The following NKAIN2 variants were observed in gnomAD, a reference collection of about 807,000 sequenced individuals.
The protein encoded by NKAIN2 is sodium/potassium transporting ATPase interacting 2.
NKAIN2 carries 14 observed loss-of-function variants against 32.6 expected under a neutral mutation model. The ratio of observed to expected loss-of-function variants is 0.43; its 90% CI spans 0.28 to 0.67. The LOEUF is 0.67. Among genes scored for constraint, NKAIN2 ranks in the 30% least tolerant of loss-of-function variants. The pLI, the probability that NKAIN2 is intolerant of heterozygous loss-of-function variation, is 0.17. For missense variants in NKAIN2, 198 were observed against 258.3 expected (o/e 0.77, Z 1.60); for synonymous variants, 80 against 87.2 (o/e 0.92, Z 0.46).
chr6:124,449,549 T>G (rs1330222425), intron 3 of NKAIN2, among the ~76,000 whole-genome samples: 2 of 152,068 alleles, frequency 1.3e-5, no homozygotes, highest in Non-Finnish European at 2.9e-5. Context: ...TGCATACAAT[T>G]AGTGCTGAGG....
At chr6:124,484,197 A>T (rs1338067048) in intron 3 of NKAIN2, among the ~76,000 whole-genome samples, 3 of 152,218 alleles carry the variant, frequency 2.0e-5, no homozygotes, top group African/African-American at 7.2e-5. Context: ...CTCCTCAGAG[A>T]ACTCTACATG....
chr6:124,724,220 A>G (rs995339171), intron 4 of NKAIN2, among the ~76,000 whole-genome samples: 1 of 152,178 alleles, frequency 6.6e-6, no homozygotes, highest in Non-Finnish European at 1.5e-5. Context: ...CTTTTAAAAT[A>G]TAATGAGTAA....
intron 5 of NKAIN2, among the ~76,000 whole-genome samples, chr6:124,811,181 G>A (rs1780891056): frequency 6.6e-6 from 1 of 151,998 alleles, no homozygotes; most frequent in African/African-American, 2.4e-5. Flanking sequence ...TTAATATTTA[G>A]AAAATTCATT....
intron 1 of NKAIN2, among the ~76,000 whole-genome samples, chr6:124,145,258 C>T (rs1037275279): frequency 2.6e-5 from 4 of 152,164 alleles, no homozygotes; most frequent in Non-Finnish European, 5.9e-5. Context: ...CACAACCCAA[C>T]AATTATCCTC....
At chr6:124,811,244 G>T (rs964918426) in intron 5 of NKAIN2, among the ~76,000 whole-genome samples, 12 of 152,134 alleles carry the variant, frequency 7.9e-5, no homozygotes, top group South Asian at 6.2e-4. Context: ...AAATATTCAG[G>T]CTTAGCTTCC....
At chr6:124,312,300 A>T (rs1040051669) in intron 2 of NKAIN2, among the ~76,000 whole-genome samples, 1 of 152,232 alleles carries the variant, frequency 6.6e-6, no homozygotes, top group African/African-American at 2.4e-5. Flanking sequence ...GCTGTCTTCC[A>T]ATTCAGTTCT....
At chr6:124,038,939 C>T (rs962827305) in intron 1 of NKAIN2, among the ~76,000 whole-genome samples, 10 of 152,076 alleles carry the variant, frequency 6.6e-5, no homozygotes, top group Non-Finnish European at 1.3e-4. Context: ...TCTCTGATAA[C>T]TCTGACAATT....
intron 3 of NKAIN2, among the ~76,000 whole-genome samples, chr6:124,603,171 G>C (rs973021251): frequency 7.2e-5 from 11 of 151,822 alleles, no homozygotes; most frequent in African/African-American, 2.4e-4. Context: ...AAAATGAGTA[G>C]CCCAAAGCCA....
In NKAIN2 at chr6:124,105,364, C is replaced by T. The variant is rs953224040; in HGVS notation, c.55-177641C>T. Among the ~76,000 whole-genome samples, 5 of 152,144 alleles carry T rather than the reference C, an allele frequency of 3.3e-5. No homozygotes were observed. In the East Asian group the frequency reaches 7.7e-4, roughly 24 times the overall value. ...ATCCCCTGGGGCCAGTGGTAGAGTC[C>T]GGGTGTAGTTATAAGAGGAGAGCGC... On this transcript the variant is annotated intron_variant, in intron 1 of 6. Transcript: ENST00000368417.
intron 1 of NKAIN2, among the ~76,000 whole-genome samples, chr6:124,195,825 A>G (rs1237303860): frequency 6.6e-6 from 1 of 151,832 alleles, no homozygotes; most frequent in Non-Finnish European, 1.5e-5. Context: ...TTAAATATTC[A>G]TCTCCCATTT....
intron 3 of NKAIN2, among the ~76,000 whole-genome samples, chr6:124,647,477 C>T (rs1315862206): frequency 8.9e-6 from 1 of 112,818 alleles, no homozygotes; most frequent in African/African-American, 3.5e-5. Flanking sequence ...CCAGCCTGGG[C>T]GACAGAGCGA....
At chr6:124,251,313 T>A (rs1793683412) in intron 1 of NKAIN2, among the ~76,000 whole-genome samples, 1 of 151,956 alleles carries the variant, frequency 6.6e-6, no homozygotes, top group African/African-American at 2.4e-5. Flanking sequence ...ATACATACCA[T>A]GTAAATTTTA....
intron 3 of NKAIN2, among the ~76,000 whole-genome samples, chr6:124,514,938 A>C (rs766713034): frequency 2.0e-5 from 3 of 152,156 alleles, no homozygotes; most frequent in African/African-American, 7.2e-5. Context: ...GAGATAGCAA[A>C]GGAAACAATT....
At chr6:124,130,307 C>G (rs1339024774) in intron 1 of NKAIN2, among the ~76,000 whole-genome samples, 1 of 152,142 alleles carries the variant, frequency 6.6e-6, no homozygotes, top group Non-Finnish European at 1.5e-5. Context: ...TGATAATGTT[C>G]TTTTCATCTG....
intron 1 of NKAIN2, among the ~76,000 whole-genome samples, chr6:123,978,760 A>G (rs1459041649): frequency 1.3e-5 from 2 of 152,180 alleles, no homozygotes; most frequent in Admixed American, 6.6e-5. Flanking sequence ...CTTATTTTCA[A>G]CTGGTTGACT....
intron 3 of NKAIN2, among the ~76,000 whole-genome samples, chr6:124,483,474 A>G (rs1399014289): frequency 6.6e-6 from 1 of 152,220 alleles, no homozygotes; most frequent in Non-Finnish European, 1.5e-5. Context: ...GACTTATATC[A>G]CAATTTTTTA....
At chr6:124,031,694 T>A (rs1427725840) in intron 1 of NKAIN2, among the ~76,000 whole-genome samples, 4 of 152,164 alleles carry the variant, frequency 2.6e-5, no homozygotes, top group Non-Finnish European at 5.9e-5. Context: ...GAGCAGGTTG[T>A]TCAGTTTCCA....
chr6:124,301,668 A>C (rs1353254656), intron 2 of NKAIN2, among the ~76,000 whole-genome samples: 1 of 152,212 alleles, frequency 6.6e-6, no homozygotes, highest in Non-Finnish European at 1.5e-5. Flanking sequence ...TGAGATATGG[A>C]GTCAAAGGAA....
intron 5 of NKAIN2, among the ~76,000 whole-genome samples, chr6:124,811,124 G>A (rs968294969): frequency 2.6e-5 from 4 of 152,076 alleles, no homozygotes; most frequent in African/African-American, 7.2e-5. Flanking sequence ...CATACCTATG[G>A]AAATAATGGA....
Sources: allele counts gnomAD v4.1 joint callset (sites outside exome capture counted in the v4.1 genomes callset), GRCh38; gene constraint gnomAD v4.1.1; transcripts MANE v1.5; gene names NCBI Gene and HGNC (gene_info 2026-07-23, HGNC 2026-07-21).